The following DOCK4 variants were observed in gnomAD, a reference collection of about 807,000 sequenced individuals.
DOCK4 encodes dedicator of cytokinesis protein 4.
DOCK4 carries 97 observed loss-of-function variants against 268.1 expected under a neutral mutation model. The observed-to-expected ratio is 0.36, with a 90% confidence interval of 0.31 to 0.43. DOCK4 has a LOEUF of 0.43. Among genes scored for constraint, DOCK4 ranks in the 20% least tolerant of loss-of-function variants. The pLI is 1.00. For missense variants in DOCK4, 2,145 were observed against 2,455.7 expected (o/e 0.87, Z 2.67); for synonymous variants, 954 against 887.2 (o/e 1.08, Z -1.34).
intron 25 of DOCK4, chr7:111,840,808 G>A (rs1466405717): frequency 1.5e-6 from 2 of 1,345,610 alleles, no homozygotes; most frequent in East Asian, 9.2e-5. Context: ...TGTCTGCACA[G>A]ACTGAAAAGG....
At chr7:111,905,294 T>C (rs1176678378) in intron 13 of DOCK4, among the ~76,000 whole-genome samples, 1 of 152,200 alleles carries the variant, frequency 6.6e-6, no homozygotes, top group South Asian at 2.1e-4. Flanking sequence ...TGAAAAGCTA[T>C]TTCCCTGACA....
chr7:112,153,914 AT>A (rs1701552598), intron 1 of DOCK4, among the ~76,000 whole-genome samples: 3 of 152,182 alleles, frequency 2.0e-5, no homozygotes. Flanking sequence ...GCTAGCAATA[AT>A]AAAAAATGGA....
chr7:111,915,166 C>T (rs765916966), intron 13 of DOCK4, among the ~76,000 whole-genome samples: 5 of 152,200 alleles, frequency 3.3e-5, no homozygotes, highest in Non-Finnish European at 7.3e-5. Context: ...GACTGACCCA[C>T]TCCCAAATGC....
rs368621458 is a variant in DOCK4, at chr7:111,915,938, A to C, written c.1067-34T>G. 3.1e-6 allele frequency: 5 copies of C among 1,594,912 alleles called. No homozygotes were observed. In the African/African-American group the frequency reaches 6.7e-5, roughly 21 times the overall value. On this transcript the variant is annotated intron_variant, in intron 12 of 52. Transcript: ENST00000428084. ...GATGAGAGATACCCGAGTTAAAAAC[A>C]GAATAGAAATAGAATAAAGAGAAAC... is the stretch of plus-strand genomic sequence containing the variant.
intron 1 of DOCK4, among the ~76,000 whole-genome samples, chr7:112,159,891 C>G (rs1187567504): frequency 1.4e-5 from 2 of 143,842 alleles, no homozygotes; most frequent in Non-Finnish European, 3.0e-5. Context: ...TATATACACA[C>G]ATAATGTATA....
intron 8 of DOCK4, among the ~76,000 whole-genome samples, chr7:111,960,918 C>G (rs1043139387): frequency 1.3e-5 from 2 of 152,132 alleles, no homozygotes; most frequent in South Asian, 2.1e-4. Context: ...TTTTCTTTAT[C>G]CATTCATCTG....
At chr7:111,922,365 A>G (rs1403159973) in intron 12 of DOCK4, among the ~76,000 whole-genome samples, 1 of 151,888 alleles carries the variant, frequency 6.6e-6, no homozygotes, top group African/African-American at 2.4e-5. Flanking sequence ...TACTATTTCT[A>G]TTCTTTAAAT....
chr7:111,957,167 T>A (rs1461178197), intron 8 of DOCK4, among the ~76,000 whole-genome samples: 1 of 152,120 alleles, frequency 6.6e-6, no homozygotes, highest in Non-Finnish European at 1.5e-5. Flanking sequence ...AAAGAAATCT[T>A]TGGTACTGAA....
At chr7:111,766,599 T>C (rs919261183) in intron 38 of DOCK4, among the ~76,000 whole-genome samples, 1 of 152,186 alleles carries the variant, frequency 6.6e-6, no homozygotes, top group Non-Finnish European at 1.5e-5. Context: ...TAAAAACACA[T>C]TGCTGAAGCT....
In DOCK4 at chr7:111,858,674, C is replaced by T. The variant is rs544679751; in HGVS notation, c.2473+4698G>A. ...TGGTCTCAGACTGAAACTATATCAT[C>T]AGTTCTTATGGGTCTCCAGCGTACT... On this transcript the variant is annotated intron_variant, in intron 23 of 52. Transcript: ENST00000428084. Among the ~76,000 whole-genome samples, 5 of 152,298 alleles carry T rather than the reference C, an allele frequency of 3.3e-5. No individual in the cohort carries two copies. The East Asian group carries it at 7.7e-4, about 24-fold the overall frequency.
rs1191178330 is a variant in DOCK4 at position 111,732,369 on chromosome 7, C to T, written c.5420-82G>A. 4.9e-6 allele frequency: 7 copies of T among 1,443,062 alleles called. No individual in the cohort carries two copies. In the Admixed American group the frequency reaches 9.0e-5, roughly 18 times the overall value. 89.4% of individuals were successfully genotyped at this position (1,443,062 alleles called of 1,614,324 possible). On this transcript the variant is annotated intron_variant, in intron 51 of 52. Coordinates refer to ENST00000428084, the MANE Select transcript of DOCK4 (RefSeq NM_001363540.2). Reference sequence around the variant, plus strand: ...CTGCACATGCCCTCTGTGTTACAAACCCAAACAGATGATCCAGTGCATAAG... The same window carrying T: ...CTGCACATGCCCTCTGTGTTACAAATCCAAACAGATGATCCAGTGCATAAG...
chr7:111,773,338 G>A (rs1334579042), intron 36 of DOCK4, among the ~76,000 whole-genome samples: 1 of 152,114 alleles, frequency 6.6e-6, no homozygotes, highest in African/African-American at 2.4e-5. Flanking sequence ...ATGTTACATG[G>A]GAAAAGAACT....
chr7:112,172,149 A>C (rs1341378850), intron 1 of DOCK4, among the ~76,000 whole-genome samples: 1 of 152,238 alleles, frequency 6.6e-6, no homozygotes, highest in African/African-American at 2.4e-5. Flanking sequence ...AATTCAGTCC[A>C]TAACAATGCC....
intron 1 of DOCK4, among the ~76,000 whole-genome samples, chr7:112,146,433 A>T (rs1448949088): frequency 6.6e-6 from 1 of 152,212 alleles, no homozygotes; most frequent in Non-Finnish European, 1.5e-5. Flanking sequence ...TTGCCAGTAT[A>T]ACTGAAAGAA....
chr7:112,171,095 A>G (rs775397012), intron 1 of DOCK4, among the ~76,000 whole-genome samples: 65 of 152,236 alleles, frequency 4.3e-4, no homozygotes, highest in Non-Finnish European at 7.2e-4. Flanking sequence ...TAAATGTTAG[A>G]AAAACTTTCA....
intron 1 of DOCK4, among the ~76,000 whole-genome samples, chr7:112,070,586 A>C (rs2135665916): frequency 6.6e-6 from 1 of 152,302 alleles, no homozygotes; most frequent in East Asian, 1.9e-4. Context: ...TAGGTTCCTG[A>C]AGCCCAGGAA....
At chr7:112,003,263 C>T (rs780805650) in intron 2 of DOCK4, among the ~76,000 whole-genome samples, 12 of 151,822 alleles carry the variant, frequency 7.9e-5, no homozygotes, top group African/African-American at 1.5e-4. Context: ...TGAAGTATCC[C>T]GGTGGTCCTA....
chr7:111,792,293 T>C (rs543816683), intron 30 of DOCK4, among the ~76,000 whole-genome samples: 1 of 152,370 alleles, frequency 6.6e-6, no homozygotes, highest in South Asian at 2.1e-4. Context: ...AGCAGAAAGA[T>C]AGCTGGCTTC....
intron 1 of DOCK4, among the ~76,000 whole-genome samples, chr7:112,128,748 A>T (rs1452258632): frequency 6.6e-6 from 1 of 151,806 alleles, no homozygotes; most frequent in Non-Finnish European, 1.5e-5. Flanking sequence ...CCACTCCCTA[A>T]TCTCAAGTAC....
Sources: allele counts gnomAD v4.1 joint callset (sites outside exome capture counted in the v4.1 genomes callset), GRCh38; gene constraint gnomAD v4.1.1; transcripts MANE v1.5; gene names NCBI Gene and HGNC (gene_info 2026-07-23, HGNC 2026-07-21).